The following CALCR variants were observed in gnomAD, a reference collection of about 807,000 sequenced individuals.
CALCR encodes the protein calcitonin receptor.
Under a neutral mutation model 59.5 loss-of-function variants are expected in CALCR, and 47 were observed. That is an observed-to-expected ratio of 0.79 (90% CI 0.63 to 1.01). CALCR has a LOEUF of 1.01. CALCR is among the 50% of genes least tolerant of loss of function. CALCR has a pLI of 0.00. For synonymous variants in CALCR, 213 were observed against 211.3 expected (o/e 1.01, Z -0.07); for missense variants, 566 against 597.1 (o/e 0.95, Z 0.54).
intron 13 of CALCR, among the ~76,000 whole-genome samples, chr7:93,432,471 C>T (rs1799678757): frequency 6.6e-6 from 1 of 152,218 alleles, no homozygotes; most frequent in Non-Finnish European, 1.5e-5. Context: ...TGGCACAGTA[C>T]ACAATTCTAT....
In CALCR at chr7:93,487,019, T is replaced by C. The variant is rs762526303; in HGVS notation, c.-26-12A>G. 2.8e-6 allele frequency: 4 copies of C among 1,429,374 alleles called. No individual in the cohort carries two copies. Among genetic ancestry groups the C allele is most frequent in the African/African-American group, 2.9e-5 (2 of 69,930 alleles). 88.5% of individuals were successfully genotyped at this position (1,429,374 alleles called of 1,614,324 possible). On this transcript the variant is annotated splice_polypyrimidine_tract_variant and intron_variant, in intron 2 of 13. Coordinates refer to ENST00000426151, the MANE Select transcript of CALCR (RefSeq NM_001742.4). The stretch of plus-strand genomic sequence containing the variant: ...AAGATCTCTTTGTCCTAGAAAAATA[T>C]AAAAGCAACAAAGACTAAAATTAAT...
chr7:93,426,418 G>T lies in CALCR; in HGVS notation c.1363C>A (p.Gln455Lys). 1 of 1,613,882 alleles carries T rather than the reference G, an allele frequency of 6.2e-7. No individual in the cohort carries two copies. Among genetic ancestry groups the T allele is most frequent in the Non-Finnish European group, 8.5e-7 (1 of 1,179,796 alleles). ...ATGATCTCAGCACTCTCCTCGCCTT[G>T]GTTGTTGGCTGGTTCATTCCTCAGC... ...QELRNEPANN[Q>K]GEESAEIIPL... Residue 455 changes from glutamine (Q) to lysine (K), a missense_variant, in exon 14 of 14, where the codon CAA becomes AAA. Transcript: ENST00000426151.
intron 8 of CALCR, among the ~76,000 whole-genome samples, chr7:93,452,638 TA>T (rs1800133686): frequency 6.6e-6 from 1 of 152,002 alleles, no homozygotes; most frequent in Admixed American, 6.6e-5. Context: ...AGTTTGAGTT[TA>T]TGGAACTGTG....
intron 2 of CALCR, among the ~76,000 whole-genome samples, chr7:93,532,051 T>C (rs997481705): frequency 6.6e-6 from 1 of 152,108 alleles, no homozygotes; most frequent in Admixed American, 6.6e-5. Context: ...GTTTTGCTAG[T>C]ATGAACACTA....
intron 8 of CALCR, among the ~76,000 whole-genome samples, chr7:93,456,987 G>A (rs1262584112): frequency 6.6e-6 from 1 of 152,142 alleles, no homozygotes; most frequent in African/African-American, 2.4e-5. Context: ...AGGTTACTAG[G>A]TGATACAGGA....
At chr7:93,531,321 G>C (rs1788828149) in intron 2 of CALCR, among the ~76,000 whole-genome samples, 1 of 152,042 alleles carries the variant, frequency 6.6e-6, no homozygotes. Context: ...TATTGAGTCG[G>C]AACCTGGGCT....
intron 7 of CALCR, among the ~76,000 whole-genome samples, chr7:93,462,876 A>C (rs750968315): frequency 5.3e-5 from 8 of 152,004 alleles, no homozygotes; most frequent in Non-Finnish European, 1.0e-4. Flanking sequence ...TCACCTGCTG[A>C]CACAGTATAT....
chr7:93,430,000 C>T (rs189401686), intron 13 of CALCR, among the ~76,000 whole-genome samples: 315 of 145,730 alleles, frequency 2.2e-3, no homozygotes, highest in South Asian at 4.5e-3. Flanking sequence ...GGCGCAATCT[C>T]GGCTCACTGC....
At chr7:93,501,503 C>A (rs1346942057) in intron 2 of CALCR, among the ~76,000 whole-genome samples, 1 of 151,992 alleles carries the variant, frequency 6.6e-6, no homozygotes, top group Non-Finnish European at 1.5e-5. Flanking sequence ...AAGAATTAAT[C>A]TGAACTAATG....
At chr7:93,545,563 G>T (rs191081829) in intron 2 of CALCR, among the ~76,000 whole-genome samples, 2 of 152,272 alleles carry the variant, frequency 1.3e-5, no homozygotes, top group Admixed American at 6.5e-5. Flanking sequence ...TGGGGCAGCT[G>T]ATGCTAGGCT....
chr7:93,433,103 G>C (rs1799692719), intron 13 of CALCR, among the ~76,000 whole-genome samples: 1 of 152,066 alleles, frequency 6.6e-6, no homozygotes, highest in Non-Finnish European at 1.5e-5. Flanking sequence ...TGGAGAATAG[G>C]AACAACAAAA....
chr7:93,546,576 C>CT (rs772741599), intron 2 of CALCR, among the ~76,000 whole-genome samples: 5,598 of 141,818 alleles, frequency 0.039, 339 homozygotes, highest in African/African-American at 0.13. Flanking sequence ...TTTTTCTTTT[C>CT]TTTTTTTTTT....
Position 93,429,864 on chromosome 7 carries a change from AAAC to A in CALCR, c.1192-3278_1192-3276del, listed in dbSNP as rs569275104. Among the ~76,000 whole-genome samples the A allele has an allele frequency of 2.4e-4, 36 of 151,968 alleles. No homozygotes were observed. In the South Asian group the frequency reaches 7.1e-3, roughly 30 times the overall value. On this transcript the variant is annotated intron_variant, in intron 13 of 13. Transcript: ENST00000426151. ...TTAAAAATCATGATTAAAAAAAAAA[AAAC>A]ACTTTAAATTCCCTAGAAGTTAAAA... is the stretch of plus-strand genomic sequence containing the variant.
chr7:93,494,626 G>T (rs1419434420), intron 2 of CALCR, among the ~76,000 whole-genome samples: 1 of 151,368 alleles, frequency 6.6e-6, no homozygotes, highest in East Asian at 1.9e-4. Flanking sequence ...CCTGCCTCTA[G>T]TCAGAAAAGT....
At chr7:93,447,063 AC>A (rs1365984527) in intron 8 of CALCR, among the ~76,000 whole-genome samples, 4 of 152,002 alleles carry the variant, frequency 2.6e-5, no homozygotes, top group African/African-American at 7.2e-5. Flanking sequence ...CAGTGCCCTT[AC>A]TACCAGTTCA....
At chr7:93,508,902 T>A (rs1449014028) in intron 2 of CALCR, among the ~76,000 whole-genome samples, 1 of 152,128 alleles carries the variant, frequency 6.6e-6, no homozygotes, top group Non-Finnish European at 1.5e-5. Context: ...GTCTCCCTGA[T>A]TTCAGAGGAG....
intron 2 of CALCR, among the ~76,000 whole-genome samples, chr7:93,539,304 T>C (rs1789069765): frequency 6.6e-6 from 1 of 152,138 alleles, no homozygotes; most frequent in South Asian, 2.1e-4. Context: ...TATCATGTTT[T>C]ATGTGTTCAA....
At chr7:93,432,763 T>C (rs1799684435) in intron 13 of CALCR, among the ~76,000 whole-genome samples, 2 of 152,196 alleles carry the variant, frequency 1.3e-5, no homozygotes, top group Admixed American at 1.3e-4. Flanking sequence ...ATTAGCTCTA[T>C]TTTGATATTA....
Position 93,525,890 on chromosome 7 carries a change from G to A in CALCR, c.-26-38883C>T, listed in dbSNP as rs963821229. 9.2e-5 allele frequency among the ~76,000 whole-genome samples: 14 copies of A among 152,236 alleles called. No individual in the cohort carries two copies. In the South Asian group the frequency reaches 1.9e-3, roughly 20 times the overall value. ...ATCTCTTTTGTGGGGAGGAGGCATG[G>A]GAATCATTGTTTAATTCTAGTGGAA... On this transcript the variant is annotated intron_variant, in intron 2 of 13. Coordinates refer to ENST00000426151, the MANE Select transcript of CALCR (RefSeq NM_001742.4).
Sources: allele counts gnomAD v4.1 joint callset (sites outside exome capture counted in the v4.1 genomes callset), GRCh38; gene constraint gnomAD v4.1.1; transcripts MANE v1.5; gene names NCBI Gene and HGNC (gene_info 2026-07-23, HGNC 2026-07-21).